ZNF678: variants seen among roughly 807,000 people sequenced by gnomAD.
ZNF678 encodes the protein zinc finger protein 678, also known as hypothetical protein MGC42493.
Under a neutral mutation model 3.0 loss-of-function variants are expected in ZNF678, and 5 were observed. That is an observed-to-expected ratio of 1.69 (90% CI 0.88 to 3.56). The LOEUF is 3.56. Ranked by LOEUF, ZNF678 falls within the 30% of genes most tolerant of loss-of-function variation. The pLI is 0.00. For synonymous variants in ZNF678, 218 were observed against 199.6 expected (o/e 1.09, Z -0.78); for missense variants, 593 against 605.0 (o/e 0.98, Z 0.21).
At chr1:227,565,627 C>T (rs1439024183) in intron 1 of ZNF678, among the ~76,000 whole-genome samples, 5 of 152,194 alleles carry the variant, frequency 3.3e-5, no homozygotes, top group African/African-American at 1.2e-4. Context: ...AGAGAATAAC[C>T]TCTTGGCACT....
chr1:227,659,702 C>T lies in ZNF678; in HGVS notation c.*3874C>T, dbSNP rs1659348565. On this transcript the variant is annotated 3_prime_UTR_variant, in exon 4 of 4. Coordinates refer to ENST00000343776, the MANE Select transcript of ZNF678 (RefSeq NM_001367909.1). ...AAAGATGCAGACTCAGTATTTGGAG[C>T]ATTGCTATCGCTCCATGATGTGTTT... is the stretch of plus-strand genomic sequence containing the variant. 1 of 152,130 alleles carries T rather than the reference C, an allele frequency of 6.6e-6. No individual in the cohort carries two copies. Among genetic ancestry groups the T allele is most frequent in the Admixed American group, 6.5e-5 (1 of 15,270 alleles). The allele number at this position is 152,130 out of a possible 1,614,324, so 9.4% of individuals were successfully genotyped here. A position where few individuals can be genotyped will look rare whatever the true frequency, so the allele number is the denominator to read the frequency against.
At chr1:227,622,041 CA>C (rs1326847946) in intron 1 of ZNF678, among the ~76,000 whole-genome samples, 2 of 152,232 alleles carry the variant, frequency 1.3e-5, no homozygotes, top group East Asian at 3.8e-4. Flanking sequence ...AATGGCCCTG[CA>C]AAACCATCTC....
At chr1:227,666,466 G>A (rs1385115900), downstream of ZNF678, among the ~76,000 whole-genome samples, 1 of 152,074 alleles carries the variant, frequency 6.6e-6, no homozygotes, top group Non-Finnish European at 1.5e-5. Flanking sequence ...GAGTCCTCTG[G>A]GAACTAAACT....
rs571276247 is a variant in ZNF678 at position 227,670,476 on chromosome 1, C to T, written c.227-6703C>T. Among the ~76,000 whole-genome samples, 111 of 152,232 alleles carry T rather than the reference C, an allele frequency of 7.3e-4. 1 individual carries two copies. In the South Asian group the frequency reaches 0.023, roughly 31 times the overall value. The stretch of plus-strand genomic sequence containing the variant: ...TTATGGTCTCAGGTAGGACCTTTAC[C>T]AGGGTGGGCTTCAGAGGGCCTCCCT... On this transcript the variant is annotated intron_variant, in intron 5 of 5. Transcript: ENST00000608949.
chr1:227,672,763 A>T (rs1250335768), intron 5 of ZNF678, among the ~76,000 whole-genome samples: 1 of 152,128 alleles, frequency 6.6e-6, no homozygotes, highest in Non-Finnish European at 1.5e-5. Flanking sequence ...ACCTCACAGG[A>T]CTAGCTTTTG....
At chr1:227,577,746 G>T (rs550690411) in intron 1 of ZNF678, among the ~76,000 whole-genome samples, 77 of 152,188 alleles carry the variant, frequency 5.1e-4, no homozygotes, top group African/African-American at 1.8e-3. Flanking sequence ...TTTAAGGTTA[G>T]TATTAAAATG....
intron 1 of ZNF678, 34 bp downstream of exon 1, chr1:227,563,758 G>C (rs1656592919): frequency 7.6e-7 from 1 of 1,308,050 alleles, no homozygotes; most frequent in Non-Finnish European, 1.0e-6. Context: ...CCAAGATGGC[G>C]GTCCGGCCTC....
rs1659616239 is a variant in ZNF678, at chr1:227,672,370, AC to A, written c.227-4808del. On this transcript the variant is annotated intron_variant, in intron 5 of 5. Coordinates refer to the ZNF678 transcript ENST00000608949. ...AGGTAGAATTTTCAGGGCAGGGAAG[AC>A]GAAGGGCCCATAATAAGCTTCAGGT... Among the ~76,000 whole-genome samples, 5 of 152,224 alleles carry A rather than the reference AC, an allele frequency of 3.3e-5. No homozygotes were observed. The South Asian group carries it at 1.0e-3, about 32-fold the overall frequency.
rs1331426208 is a variant in ZNF678 at position 227,658,636 on chromosome 1, A to G, written c.*2808A>G. On this transcript the variant is annotated 3_prime_UTR_variant, in exon 4 of 4. Coordinates refer to ENST00000343776, the MANE Select transcript of ZNF678 (RefSeq NM_001367909.1). ...TTCTCTGCAGCCCATGTAATTTCAT[A>G]CAGTATTTTGTAGGTTGTGATAAGG... 2.6e-5 allele frequency: 4 copies of G among 152,036 alleles called. No individual in the cohort carries two copies. The highest frequency in any genetic ancestry group is 7.2e-5 in the African/African-American group (3 of 41,434). The allele number at this position is 152,036 out of a possible 1,614,324, so 9.4% of individuals were successfully genotyped here. A position where few individuals can be genotyped will look rare whatever the true frequency, so the allele number is the denominator to read the frequency against.
chr1:227,572,857 C>G (rs946084572), intron 1 of ZNF678, among the ~76,000 whole-genome samples: 1 of 152,182 alleles, frequency 6.6e-6, no homozygotes, highest in Non-Finnish European at 1.5e-5. Context: ...TAGAGATTCT[C>G]AGTGTCTGGC....
At chr1:227,596,181 G>T (rs1238645156) in intron 1 of ZNF678, among the ~76,000 whole-genome samples, 2 of 152,196 alleles carry the variant, frequency 1.3e-5, no homozygotes. Context: ...TCCCCCGCAG[G>T]GATGTTCCAC....
intron 1 of ZNF678, among the ~76,000 whole-genome samples, chr1:227,568,011 C>T (rs1327275057): frequency 6.6e-6 from 1 of 152,052 alleles, no homozygotes; most frequent in Non-Finnish European, 1.5e-5. Context: ...AAAATTAGAT[C>T]CTAGATCAGA....
At chr1:227,590,740 T>C (rs986841067) in intron 1 of ZNF678, among the ~76,000 whole-genome samples, 4 of 151,724 alleles carry the variant, frequency 2.6e-5, no homozygotes, top group African/African-American at 7.3e-5. Flanking sequence ...TGTCCACATA[T>C]CCATTATAGC....
At chr1:227,625,202 G>A (rs1658379376) in intron 1 of ZNF678, among the ~76,000 whole-genome samples, 1 of 152,140 alleles carries the variant, frequency 6.6e-6, no homozygotes, top group African/African-American at 2.4e-5. Flanking sequence ...TTTAAAGGTG[G>A]GTGCGGTCAC....
chr1:227,627,396 G>C (rs1658445311), intron 1 of ZNF678, among the ~76,000 whole-genome samples: 1 of 152,006 alleles, frequency 6.6e-6, no homozygotes, highest in Non-Finnish European at 1.5e-5. Flanking sequence ...CCCTGTACTA[G>C]GGGTCCTTCT....
chr1:227,611,757 C>T (rs1480473416), intron 1 of ZNF678, among the ~76,000 whole-genome samples: 1 of 152,140 alleles, frequency 6.6e-6, no homozygotes, highest in African/African-American at 2.4e-5. Context: ...TTAATATATG[C>T]TTCTCAAGAC....
At chr1:227,564,265 C>G (rs989202906) in intron 1 of ZNF678, among the ~76,000 whole-genome samples, 21 of 152,074 alleles carry the variant, frequency 1.4e-4, no homozygotes, top group Admixed American at 1.3e-3. Context: ...TTGGACTGTC[C>G]AGGTGGAAAT....
At chr1:227,592,563 A>T (rs1657443900) in intron 1 of ZNF678, among the ~76,000 whole-genome samples, 2 of 152,262 alleles carry the variant, frequency 1.3e-5, no homozygotes, top group South Asian at 4.1e-4. Flanking sequence ...TCTTTAACTC[A>T]TGAAAAGCTT....
intron 1 of ZNF678, among the ~76,000 whole-genome samples, chr1:227,572,730 A>G (rs1656882256): frequency 6.6e-6 from 1 of 152,252 alleles, no homozygotes. Flanking sequence ...AGCCATGGAA[A>G]GAGCCTGGTT....
Sources: allele counts gnomAD v4.1 joint callset (sites outside exome capture counted in the v4.1 genomes callset), GRCh38; gene constraint gnomAD v4.1.1; transcripts MANE v1.5; gene names NCBI Gene and HGNC (gene_info 2026-07-23, HGNC 2026-07-21).